Variants in XKR6 observed in about 807,000 individuals in gnomAD.
XKR6 encodes the protein XK related 6, also known as XK-related protein 6.
Under a neutral mutation model 56.7 loss-of-function variants are expected in XKR6, and 22 were observed. The ratio of observed to expected loss-of-function variants is 0.39; its 90% CI spans 0.28 to 0.55. The LOEUF (loss-of-function observed/expected upper bound fraction) is 0.55. Ranked by LOEUF, XKR6 falls within the 20% of genes least tolerant of loss-of-function variation. XKR6 has a pLI of 0.66. For missense variants in XKR6, 852 were observed against 889.0 expected, an observed-to-expected ratio of 0.96 and a Z score of 0.53; for synonymous variants, 524 against 387.8, an observed-to-expected ratio of 1.35 and a Z score of -4.13.
chr8:11,137,462 C>A (rs556095390), intron 1 of XKR6: 1 of 422,558 alleles, frequency 2.4e-6, no homozygotes, highest in Non-Finnish European at 4.7e-6. Context: ...CATCTTCAGC[C>A]GACACGGAAG....
intron 1 of XKR6, among the ~76,000 whole-genome samples, chr8:10,993,206 C>T (rs143091901): frequency 3.0e-4 from 46 of 152,378 alleles, no homozygotes; most frequent in African/African-American, 9.6e-4. Context: ...GTAGCTCTCG[C>T]GCCCAGGCGA....
rs372691073 is a variant in XKR6 at position 10,898,289 on chromosome 8, G to T, written c.1589C>A (p.Ala530Glu). Reference sequence around the variant, plus strand: ...CCCCCGGTACCCAGGGATCTCAGGCGCCATGGGCTCAACATCGGGGGGCAA... The same window carrying T: ...CCCCCGGTACCCAGGGATCTCAGGCTCCATGGGCTCAACATCGGGGGGCAA... Reference protein sequence around the residue: ...IPLPPDVEPMAPEIPGYRGTQ... With the variant: ...IPLPPDVEPMEPEIPGYRGTQ... Residue 530 changes from alanine (A) to glutamate (E), a missense_variant, in exon 3 of 3, where the codon GCG (alanine) becomes GAG (glutamate). Transcript: ENST00000416569. This position sits in a 1 kb window ranked among gnomAD's most constrained non-coding sequence, Gnocchi z 6.6. 1 of 1,614,080 alleles carries T rather than the reference G, an allele frequency of 6.2e-7. No individual in the cohort carries two copies. The highest frequency in any genetic ancestry group is 1.6e-4 in the Middle Eastern group (1 of 6,062).
At chr8:11,064,062 G>T (rs1308755210) in intron 1 of XKR6, among the ~76,000 whole-genome samples, 1 of 152,026 alleles carries the variant, frequency 6.6e-6, no homozygotes, top group Non-Finnish European at 1.5e-5. Flanking sequence ...CCTTTCTACT[G>T]CGTTTGGGTT....
At chr8:10,961,167 A>G (rs1802048803) in intron 1 of XKR6, among the ~76,000 whole-genome samples, 1 of 152,122 alleles carries the variant, frequency 6.6e-6, no homozygotes, top group African/African-American at 2.4e-5. Context: ...AAGAAGTTGC[A>G]TTTTTTTCTA....
At chr8:11,083,139 G>A (rs1586520966) in intron 1 of XKR6, among the ~76,000 whole-genome samples, 1 of 152,192 alleles carries the variant, frequency 6.6e-6, no homozygotes, top group South Asian at 2.1e-4. Flanking sequence ...CCGAGTCTCG[G>A]CAGCCAGTGG....
chr8:10,962,824 T>C (rs1457743022), intron 1 of XKR6, among the ~76,000 whole-genome samples: 1 of 152,082 alleles, frequency 6.6e-6, no homozygotes, highest in Non-Finnish European at 1.5e-5. Flanking sequence ...GGTCTCACCA[T>C]ATTGGTCAGG....
At chr8:11,180,357 T>C (rs1040794174) in intron 1 of XKR6, among the ~76,000 whole-genome samples, 1 of 152,108 alleles carries the variant, frequency 6.6e-6, no homozygotes, top group African/African-American at 2.4e-5. Flanking sequence ...CAAGGAATGT[T>C]TGGACTAAAA....
intron 1 of XKR6, among the ~76,000 whole-genome samples, chr8:11,121,321 G>A (rs956431038): frequency 2.0e-5 from 3 of 151,920 alleles, no homozygotes; most frequent in African/African-American, 4.8e-5. Context: ...AATCTACAAC[G>A]AACTCAAACA....
chr8:11,145,971 G>C (rs1348034711), intron 1 of XKR6, among the ~76,000 whole-genome samples: 2 of 152,144 alleles, frequency 1.3e-5, no homozygotes, highest in Non-Finnish European at 2.9e-5. Flanking sequence ...AATAAAGACA[G>C]TGTGGTGTGG....
chr8:11,108,187 C>T, intron 1 of XKR6: 1 of 438,792 alleles, frequency 2.3e-6, no homozygotes. Context: ...TAAATGTCCA[C>T]TACACTTATA....
At chr8:10,962,204 G>A (rs1449724034) in intron 1 of XKR6, among the ~76,000 whole-genome samples, 1 of 152,170 alleles carries the variant, frequency 6.6e-6, no homozygotes, top group Non-Finnish European at 1.5e-5. Context: ...CAAACCATAA[G>A]TAGGTTTAAA....
At chr8:10,954,217 T>G (rs761163338) in intron 1 of XKR6, among the ~76,000 whole-genome samples, 3 of 152,256 alleles carry the variant, frequency 2.0e-5, no homozygotes, top group Non-Finnish European at 4.4e-5. Context: ...AACTTTATGT[T>G]TAACTTTTTG....
At chr8:10,998,831 T>C (rs914867470) in intron 1 of XKR6, among the ~76,000 whole-genome samples, 1 of 152,190 alleles carries the variant, frequency 6.6e-6, no homozygotes. Context: ...ACAGATTCTG[T>C]TCCTTCTGCC....
At chr8:10,925,023 C>T (rs771809477) in intron 1 of XKR6, among the ~76,000 whole-genome samples, 193 bp from the exon 2 acceptor site, 4 of 152,012 alleles carry the variant, frequency 2.6e-5, no homozygotes, top group East Asian at 1.9e-4. Context: ...GGGGGAGGGG[C>T]GGGGCAGGTC....
At chr8:11,145,980 G>C (rs184711427) in intron 1 of XKR6, among the ~76,000 whole-genome samples, 126 of 152,186 alleles carry the variant, frequency 8.3e-4, no homozygotes, top group Middle Eastern at 3.4e-3. Context: ...AGTGTGGTGT[G>C]GGCATCGAGA....
chr8:10,978,666 T>G (rs924020187), intron 1 of XKR6, among the ~76,000 whole-genome samples: 1 of 152,244 alleles, frequency 6.6e-6, no homozygotes, highest in East Asian at 1.9e-4. Flanking sequence ...TCCTCCAGCT[T>G]TGCTTGACCC....
intron 1 of XKR6, among the ~76,000 whole-genome samples, chr8:11,132,406 T>C (rs1410420985): frequency 6.6e-6 from 1 of 152,008 alleles, no homozygotes; most frequent in Non-Finnish European, 1.5e-5. Context: ...TCACCCAGGC[T>C]GGAGTGTGGT....
chr8:11,010,013 G>T (rs1361653303), intron 1 of XKR6, among the ~76,000 whole-genome samples: 1 of 152,190 alleles, frequency 6.6e-6, no homozygotes, highest in Non-Finnish European at 1.5e-5. Flanking sequence ...ACCTGAGAAT[G>T]GGTAATTTAT....
At chr8:11,132,654 G>A (rs4291231) in intron 1 of XKR6, among the ~76,000 whole-genome samples, 54,095 of 151,694 alleles carry the variant, frequency 0.36, 10,456 homozygotes, top group African/African-American at 0.43. Flanking sequence ...GAGCCACCGC[G>A]TCTGGTCAAC....
Sources: gnomAD v4.1 joint callset for allele counts (sites outside exome capture counted in the v4.1 genomes callset) on GRCh38, gnomAD v4.1.1 for gene constraint, Gnocchi (gnomAD v3.1) non-coding constraint, MANE v1.5 for transcripts, NCBI Gene and HGNC (gene_info 2026-07-23, HGNC 2026-07-21) for gene names.